The following CNTN4 variants were observed in gnomAD, a reference collection of about 807,000 sequenced individuals.
CNTN4 encodes contactin-4.
In CNTN4, 77 loss-of-function variants were observed where a neutral mutation model predicts 122.5. The observed-to-expected ratio is 0.63, with a 90% CI of 0.52 to 0.76. The LOEUF is 0.76. Ranked by LOEUF, CNTN4 falls within the 30% of genes least tolerant of loss-of-function variation. The pLI, the probability that CNTN4 is intolerant of heterozygous loss-of-function variation, is 0.00. For synonymous variants in CNTN4, 512 were observed against 447.0 expected (o/e 1.15, Z -1.83); for missense variants, 1,256 against 1,259.1 (o/e 1.00, Z 0.04).
intron 4 of CNTN4, among the ~76,000 whole-genome samples, chr3:2,670,781 C>G (rs1196769887): frequency 3.3e-5 from 5 of 152,140 alleles, no homozygotes; most frequent in African/African-American, 1.2e-4. Context: ...TCTTTTAGGA[C>G]AGGCCTGGTG....
At chr3:2,605,752 A>T (rs1027589205) in intron 4 of CNTN4, among the ~76,000 whole-genome samples, 12 of 152,202 alleles carry the variant, frequency 7.9e-5, no homozygotes, top group Admixed American at 2.6e-4. Context: ...CCATTCATTT[A>T]TACCACAAAA....
intron 13 of CNTN4, among the ~76,000 whole-genome samples, chr3:2,983,402 C>T (rs1328743658): frequency 6.6e-6 from 1 of 151,938 alleles, no homozygotes; most frequent in Non-Finnish European, 1.5e-5. Flanking sequence ...AGTGGCAGAA[C>T]TACTCAGCAG....
At chr3:2,498,994 T>C (rs1440294672) in intron 3 of CNTN4, among the ~76,000 whole-genome samples, 1 of 152,072 alleles carries the variant, frequency 6.6e-6, no homozygotes, top group Non-Finnish European at 1.5e-5. Context: ...TTCAACATGT[T>C]GGCCAGGCTG....
chr3:2,337,453 T>C (rs968105390), intron 2 of CNTN4, among the ~76,000 whole-genome samples: 3 of 152,136 alleles, frequency 2.0e-5, no homozygotes, highest in Admixed American at 2.0e-4. Context: ...GTGGCTAAAC[T>C]GAATAGCTAG....
At chr3:2,906,747 G>A (rs377419501) in intron 12 of CNTN4, among the ~76,000 whole-genome samples, 276 of 151,594 alleles carry the variant, frequency 1.8e-3, no homozygotes, top group African/African-American at 6.2e-3. Context: ...GGGAGGCTGA[G>A]GCAGGAGAAT....
chr3:2,474,084 G>C (rs1384604969), intron 3 of CNTN4, among the ~76,000 whole-genome samples: 1 of 151,470 alleles, frequency 6.6e-6, no homozygotes, highest in Non-Finnish European at 1.5e-5. Flanking sequence ...GTTCCTTCTG[G>C]GACTGTCTGC....
chr3:2,898,209 TATATA>T (rs1449616517), intron 10 of CNTN4, among the ~76,000 whole-genome samples: 1 of 152,228 alleles, frequency 6.6e-6, no homozygotes, highest in East Asian at 1.9e-4. Context: ...CTTTGTCACA[TATATA>T]ATATGATACT....
Position 2,841,744 on chromosome 3 carries a change from C to A in CNTN4, c.454+22163C>A, listed in dbSNP as rs1180437380. 6.6e-6 allele frequency among the ~76,000 whole-genome samples: 1 copy of A among 152,154 alleles called. No homozygotes were observed. The highest frequency in any genetic ancestry group is 1.5e-5 in the Non-Finnish European group (1 of 68,034). On this transcript the variant is annotated intron_variant, in intron 7 of 24. Transcript: ENST00000418658. This position sits in a 1 kb window ranked among gnomAD's most constrained non-coding sequence, Gnocchi z 4.8. Reference sequence around the variant, plus strand: ...TTGAAGTTATTAAAAATATGTTTCACTCATGATAACATGATCATTTTCAGG... The same window carrying A: ...TTGAAGTTATTAAAAATATGTTTCAATCATGATAACATGATCATTTTCAGG...
rs559579783 is a variant in CNTN4, at chr3:2,628,207, C to A, written c.55+56649C>A. 1.2e-4 allele frequency among the ~76,000 whole-genome samples: 19 copies of A among 152,246 alleles called. No homozygotes were observed. The East Asian group carries it at 3.5e-3, about 28-fold the overall frequency. ...CATATTAAGACAGTTTTGATCGGTA[C>A]CCCTTTTAGCAGAAGTTATTTTTTC... On this transcript the variant is annotated intron_variant, in intron 4 of 24. Coordinates refer to ENST00000418658, the MANE Select transcript of CNTN4 (RefSeq NM_175607.3).
chr3:2,921,032 T>C (rs1313180879), intron 12 of CNTN4, among the ~76,000 whole-genome samples: 1 of 152,162 alleles, frequency 6.6e-6, no homozygotes, highest in African/African-American at 2.4e-5. Flanking sequence ...TCATTCATAA[T>C]AAGAGAGCAC....
intron 2 of CNTN4, among the ~76,000 whole-genome samples, chr3:2,143,586 C>T (rs1435009948): frequency 6.6e-6 from 1 of 152,102 alleles, no homozygotes; most frequent in Non-Finnish European, 1.5e-5. Context: ...AATTCTTGCT[C>T]CTCTTATTAT....
chr3:2,854,265 C>CTTTTTT, intron 7 of CNTN4, among the ~76,000 whole-genome samples: 1 of 81,776 alleles, frequency 1.2e-5, no homozygotes. Context: ...TTTCTTTCTT[C>CTTTTTT]TTCTTTTTTT....
At chr3:2,558,072 C>T (rs1013591620) in intron 3 of CNTN4, among the ~76,000 whole-genome samples, 1 of 152,142 alleles carries the variant, frequency 6.6e-6, no homozygotes, top group African/African-American at 2.4e-5. Flanking sequence ...ATATTAAAAA[C>T]TCTGATTTTC....
At chr3:2,639,256 T>C (rs1187043468) in intron 4 of CNTN4, among the ~76,000 whole-genome samples, 3 of 152,030 alleles carry the variant, frequency 2.0e-5, no homozygotes, top group Admixed American at 2.0e-4. Context: ...AATTCTATTC[T>C]ATGATATTTT....
chr3:2,614,744 A>G (rs1013246687), intron 4 of CNTN4, among the ~76,000 whole-genome samples: 1 of 152,050 alleles, frequency 6.6e-6, no homozygotes, highest in African/African-American at 2.4e-5. Flanking sequence ...TGAAATAGAG[A>G]TGCCTGTCAG....
Position 3,026,084 on chromosome 3 carries a change from T to A in CNTN4, c.1487-18T>A. On this transcript the variant is annotated intron_variant, in intron 14 of 24. Coordinates refer to ENST00000418658, the MANE Select transcript of CNTN4 (RefSeq NM_175607.3). ...AGACTTTGTTGTTGTTATTGTTTGT[T>A]TTGTTTTAACTCTCCAGATCCAACA... 6.2e-7 allele frequency: 1 copy of A among 1,610,592 alleles called. No individual in the cohort carries two copies. Among genetic ancestry groups the A allele is most frequent in the East Asian group, 2.2e-5 (1 of 44,844 alleles).
At chr3:2,829,842 G>T (rs1229209862) in intron 7 of CNTN4, among the ~76,000 whole-genome samples, 2 of 152,044 alleles carry the variant, frequency 1.3e-5, no homozygotes, top group Non-Finnish European at 2.9e-5. Context: ...TTGGTGGTCT[G>T]GTTTTTTAAG....
At chr3:2,472,092 G>A (rs531496251) in intron 3 of CNTN4, among the ~76,000 whole-genome samples, 75 of 149,340 alleles carry the variant, frequency 5.0e-4, no homozygotes, top group African/African-American at 1.9e-3. Flanking sequence ...GTGCACGCCT[G>A]TAATCCCAGC....
intron 2 of CNTN4, among the ~76,000 whole-genome samples, chr3:2,271,779 C>G (rs916430081): frequency 3.3e-5 from 5 of 152,156 alleles, no homozygotes; most frequent in Admixed American, 2.0e-4. Flanking sequence ...GCAACTATCT[C>G]TGACTTGAGA....
Sources: allele counts gnomAD v4.1 joint callset (sites outside exome capture counted in the v4.1 genomes callset), GRCh38; gene constraint gnomAD v4.1.1; non-coding constraint Gnocchi (gnomAD v3.1); transcripts MANE v1.5; gene names NCBI Gene and HGNC (gene_info 2026-07-23, HGNC 2026-07-21).